The following KCNH8 variants were observed in gnomAD, a reference collection of about 807,000 sequenced individuals.
KCNH8 encodes the protein voltage-gated delayed rectifier potassium channel KCNH8.
In KCNH8, 70 loss-of-function variants were observed where a neutral mutation model predicts 103.6. The observed-to-expected ratio is 0.68, with a 90% confidence interval of 0.56 to 0.82. The LOEUF is 0.82. Ranked by LOEUF, KCNH8 falls within the 40% of genes least tolerant of loss-of-function variation. The pLI is 0.00. For synonymous variants in KCNH8, 498 were observed against 489.4 expected (o/e 1.02, Z -0.23); for missense variants, 1,217 against 1,329.9 (o/e 0.92, Z 1.32).
chr3:19,326,915 G>T (rs1368343778), intron 3 of KCNH8, among the ~76,000 whole-genome samples: 1 of 152,248 alleles, frequency 6.6e-6, no homozygotes, highest in African/African-American at 2.4e-5. Context: ...TTGGAACTTG[G>T]CTGGGGACAG....
intron 3 of KCNH8, among the ~76,000 whole-genome samples, chr3:19,318,640 A>T (rs1052298207): frequency 3.4e-4 from 44 of 131,340 alleles, no homozygotes; most frequent in African/African-American, 4.3e-4. Context: ...TTACATGGTA[A>T]GTGTGTGTGT....
chr3:19,387,979 T>C (rs980568827), intron 5 of KCNH8, among the ~76,000 whole-genome samples: 3 of 152,024 alleles, frequency 2.0e-5, no homozygotes, highest in Admixed American at 2.0e-4. Flanking sequence ...TGTTCTTTAG[T>C]GAACCACGTA....
chr3:19,400,231 CA>C (rs11422314), intron 7 of KCNH8, among the ~76,000 whole-genome samples: 271 of 53,054 alleles, frequency 5.1e-3, no homozygotes, highest in Middle Eastern at 0.053. Flanking sequence ...TGTTAGCCAG[CA>C]AAAAAAAAAA....
At chr3:19,311,663 C>T (rs2065210022) in intron 3 of KCNH8, among the ~76,000 whole-genome samples, 1 of 151,778 alleles carries the variant, frequency 6.6e-6, no homozygotes, top group Admixed American at 6.6e-5. Flanking sequence ...CCCTCACAGA[C>T]TCCAGGAGTG....
intron 11 of KCNH8, among the ~76,000 whole-genome samples, chr3:19,473,073 A>C (rs1412897878): frequency 6.6e-6 from 1 of 152,202 alleles, no homozygotes; most frequent in Non-Finnish European, 1.5e-5. Context: ...CAAGTAGTTT[A>C]CTGCCTGAGA....
At chr3:19,445,116 TTCAAGAGAAC>T (rs1342799623) in intron 8 of KCNH8, among the ~76,000 whole-genome samples, 3 of 151,992 alleles carry the variant, frequency 2.0e-5, no homozygotes, top group Non-Finnish European at 4.4e-5. Flanking sequence ...GAAATACCTA[TTCAAGAGAAC>T]ATTATACACT....
At chr3:19,434,350 C>T (rs1207209968) in intron 7 of KCNH8, among the ~76,000 whole-genome samples, 1 of 152,174 alleles carries the variant, frequency 6.6e-6, no homozygotes, top group African/African-American at 2.4e-5. Flanking sequence ...GTATTTGTAG[C>T]AGTAACAAAT....
At chr3:19,224,108 A>C (rs994842872) in intron 1 of KCNH8, among the ~76,000 whole-genome samples, 1 of 152,174 alleles carries the variant, frequency 6.6e-6, no homozygotes, top group Non-Finnish European at 1.5e-5. Context: ...AGATTAATTG[A>C]CATGGAGTGG....
chr3:19,363,308 A>C (rs942463927), intron 5 of KCNH8, among the ~76,000 whole-genome samples: 1 of 152,122 alleles, frequency 6.6e-6, no homozygotes, highest in Admixed American at 6.6e-5. Context: ...CTCTCTTCCA[A>C]TCTTCCATCA....
chr3:19,165,892 T>C (rs2063278267), intron 1 of KCNH8, among the ~76,000 whole-genome samples: 1 of 152,160 alleles, frequency 6.6e-6, no homozygotes, highest in Admixed American at 6.5e-5. Context: ...GCATTTCTCC[T>C]CCAGATGTCT....
At chr3:19,198,585 G>A (rs1198912015) in intron 1 of KCNH8, among the ~76,000 whole-genome samples, 7 of 152,018 alleles carry the variant, frequency 4.6e-5, no homozygotes, top group African/African-American at 1.7e-4. Context: ...TTGTGATTCT[G>A]TTTTGCCTCA....
intron 1 of KCNH8, among the ~76,000 whole-genome samples, chr3:19,248,209 G>T (rs1428367813): frequency 6.6e-6 from 1 of 152,064 alleles, no homozygotes; most frequent in Non-Finnish European, 1.5e-5. Context: ...AAATTTGTTG[G>T]CCAGTAGAAG....
chr3:19,186,576 T>C (rs1376631995), intron 1 of KCNH8, among the ~76,000 whole-genome samples: 2 of 152,012 alleles, frequency 1.3e-5, no homozygotes, highest in African/African-American at 4.8e-5. Flanking sequence ...ACATATTCTT[T>C]GATGTGTTTC....
chr3:19,532,519 A>C (rs745662961), intron 15 of KCNH8, among the ~76,000 whole-genome samples: 1 of 152,192 alleles, frequency 6.6e-6, no homozygotes, highest in Non-Finnish European at 1.5e-5. Context: ...TAATAAGCAT[A>C]GGCTTCAACC....
chr3:19,394,928 G>A (rs2066492264), intron 6 of KCNH8, among the ~76,000 whole-genome samples, 176 bp from the exon 7 acceptor site: 1 of 151,880 alleles, frequency 6.6e-6, no homozygotes, highest in East Asian at 1.9e-4. Flanking sequence ...CTTTATTCCA[G>A]CCTCTTTAAT....
chr3:19,499,410 C>G (rs2068524304), intron 11 of KCNH8, among the ~76,000 whole-genome samples: 1 of 151,968 alleles, frequency 6.6e-6, no homozygotes, highest in Admixed American at 6.6e-5. Flanking sequence ...GCAAGGCAGG[C>G]CAACATTCAG....
chr3:19,453,404 G>A (rs2067479589), intron 10 of KCNH8, among the ~76,000 whole-genome samples: 1 of 152,036 alleles, frequency 6.6e-6, no homozygotes, highest in Non-Finnish European at 1.5e-5. Flanking sequence ...TCTATCAATG[G>A]ATTCTGGCTA....
At chr3:19,502,505 C>G (rs2125234772) in intron 11 of KCNH8, among the ~76,000 whole-genome samples, 1 of 152,304 alleles carries the variant, frequency 6.6e-6, no homozygotes, top group Admixed American at 6.5e-5. Flanking sequence ...AGGCATCACA[C>G]TACCTGACTT....
chr3:19,420,751 A>C (rs886866378), intron 7 of KCNH8, among the ~76,000 whole-genome samples: 32 of 152,228 alleles, frequency 2.1e-4, no homozygotes, highest in Admixed American at 2.0e-4. Flanking sequence ...GCATAGTAAT[A>C]CAAATATATC....
Sources: allele counts gnomAD v4.1 joint callset (sites outside exome capture counted in the v4.1 genomes callset), GRCh38; gene constraint gnomAD v4.1.1; transcripts MANE v1.5; gene names NCBI Gene and HGNC (gene_info 2026-07-23, HGNC 2026-07-21).